Variants in SSBP2 observed in about 807,000 individuals in gnomAD.
SSBP2 encodes single-stranded DNA-binding protein 2.
Under a neutral mutation model 61.8 loss-of-function variants are expected in SSBP2, and 17 were observed. The observed-to-expected ratio is 0.28, with a 90% CI of 0.19 to 0.41. SSBP2 has a LOEUF of 0.41. SSBP2 is among the 10% of genes least tolerant of loss of function. The probability of loss-of-function intolerance (pLI) is 1.00; values close to 1 mark genes in which losing one functional copy is unlikely to be tolerated. For missense variants in SSBP2, 310 were observed against 458.7 expected (o/e 0.68, Z 2.96); for synonymous variants, 139 against 141.3 (o/e 0.98, Z 0.12).
intron 4 of SSBP2, among the ~76,000 whole-genome samples, chr5:81,550,143 T>C (rs2154128496): frequency 6.6e-6 from 1 of 152,370 alleles, no homozygotes; most frequent in Non-Finnish European, 1.5e-5. Flanking sequence ...TTAACCTATG[T>C]TGCTGTACAC....
At chr5:81,749,959 C>T (rs1757613167) in intron 1 of SSBP2, among the ~76,000 whole-genome samples, 1 of 152,158 alleles carries the variant, frequency 6.6e-6, no homozygotes, top group South Asian at 2.1e-4. Context: ...ACTGGCCCTC[C>T]CCGCCACAGC....
intron 1 of SSBP2, among the ~76,000 whole-genome samples, chr5:81,718,822 C>A (rs1041519546): frequency 3.3e-5 from 5 of 152,178 alleles, no homozygotes; most frequent in Admixed American, 1.3e-4. Flanking sequence ...TATTTAGCTA[C>A]AAGTAATGCC....
intron 4 of SSBP2, among the ~76,000 whole-genome samples, chr5:81,531,433 TAA>T (rs1770401572): frequency 6.6e-6 from 1 of 152,006 alleles, no homozygotes; most frequent in South Asian, 2.1e-4. Context: ...CTAAAGGAAT[TAA>T]TATAGAGTGG....
chr5:81,492,751 C>T (rs1766955863), intron 5 of SSBP2, among the ~76,000 whole-genome samples: 1 of 152,028 alleles, frequency 6.6e-6, no homozygotes, highest in Non-Finnish European at 1.5e-5. Context: ...GTTTCTGTAC[C>T]TCTATTAATT....
intron 1 of SSBP2, among the ~76,000 whole-genome samples, chr5:81,684,317 T>C (rs2153819969): frequency 6.6e-6 from 1 of 152,278 alleles, no homozygotes; most frequent in South Asian, 2.1e-4. Context: ...CTTAAACACA[T>C]ATTACTAAGT....
chr5:81,585,518 A>T (rs958115026), intron 4 of SSBP2, among the ~76,000 whole-genome samples: 1 of 151,922 alleles, frequency 6.6e-6, no homozygotes, highest in African/African-American at 2.4e-5. Context: ...CAAAGGTATT[A>T]AAAAAAATCT....
intron 1 of SSBP2, among the ~76,000 whole-genome samples, chr5:81,659,845 C>T (rs1750537377): frequency 6.6e-6 from 1 of 151,876 alleles, no homozygotes; most frequent in Non-Finnish European, 1.5e-5. Flanking sequence ...ATATATAGAC[C>T]AATGGAAAAG....
At chr5:81,567,533 C>G (rs979068514) in intron 4 of SSBP2, among the ~76,000 whole-genome samples, 7 of 152,210 alleles carry the variant, frequency 4.6e-5, no homozygotes, top group African/African-American at 1.7e-4. Flanking sequence ...TGCTAGGGCA[C>G]AGCAGAAGGG....
chr5:81,697,702 C>G (rs1282860421), intron 1 of SSBP2, among the ~76,000 whole-genome samples: 2 of 152,094 alleles, frequency 1.3e-5, no homozygotes, highest in African/African-American at 2.4e-5. Flanking sequence ...GCTTTCAGCT[C>G]TGCTATCTAA....
intron 10 of SSBP2, among the ~76,000 whole-genome samples, chr5:81,458,888 A>G (rs1292491728): frequency 6.6e-6 from 1 of 152,132 alleles, no homozygotes; most frequent in African/African-American, 2.4e-5. Flanking sequence ...TCAGAGGCCT[A>G]CTTTTCCTTT....
intron 4 of SSBP2, among the ~76,000 whole-genome samples, chr5:81,612,077 G>A (rs1282255831): frequency 6.6e-6 from 1 of 152,154 alleles, no homozygotes; most frequent in Non-Finnish European, 1.5e-5. Flanking sequence ...GGCATTGGTT[G>A]TGATGATGGT....
chr5:81,721,646 C>A (rs1686506753), intron 1 of SSBP2, among the ~76,000 whole-genome samples: 1 of 151,958 alleles, frequency 6.6e-6, no homozygotes, highest in Non-Finnish European at 1.5e-5. Context: ...GCCATGAAGC[C>A]TTTTCAAAAA....
intron 4 of SSBP2, among the ~76,000 whole-genome samples, chr5:81,578,655 A>T (rs1403799982): frequency 2.0e-5 from 3 of 152,042 alleles, no homozygotes; most frequent in African/African-American, 4.8e-5. Flanking sequence ...AGATTAACAG[A>T]AGTAAATTAT....
chr5:81,666,744 T>C (rs1450518511), intron 1 of SSBP2, among the ~76,000 whole-genome samples: 1 of 152,208 alleles, frequency 6.6e-6, no homozygotes, highest in Non-Finnish European at 1.5e-5. Context: ...TCAATCCAAT[T>C]TGAAGATCAT....
chr5:81,587,293 T>A (rs1252108096), intron 4 of SSBP2, among the ~76,000 whole-genome samples: 2 of 152,204 alleles, frequency 1.3e-5, no homozygotes, highest in Non-Finnish European at 2.9e-5. Flanking sequence ...TGAGTGTACA[T>A]TAAATTTTCT....
chr5:81,501,281 A>T (rs1486010564), intron 5 of SSBP2, among the ~76,000 whole-genome samples: 1 of 120,604 alleles, frequency 8.3e-6, no homozygotes, highest in African/African-American at 3.0e-5. Context: ...ACACACACAC[A>T]CATGCACATA....
chr5:81,606,915 G>C (rs1207363794), intron 4 of SSBP2, among the ~76,000 whole-genome samples: 2 of 152,158 alleles, frequency 1.3e-5, no homozygotes, highest in Non-Finnish European at 2.9e-5. Context: ...TGTTTCACAA[G>C]GATATTCCAG....
intron 4 of SSBP2, among the ~76,000 whole-genome samples, chr5:81,612,266 TGTC>T (rs1472692964): frequency 6.6e-6 from 1 of 152,186 alleles, no homozygotes; most frequent in Non-Finnish European, 1.5e-5. Context: ...AAACAACAGA[TGTC>T]TTTCATAAGA....
intron 1 of SSBP2, among the ~76,000 whole-genome samples, chr5:81,732,120 A>G (rs1451876548): frequency 1.3e-5 from 2 of 152,170 alleles, no homozygotes; most frequent in Non-Finnish European, 2.9e-5. Flanking sequence ...AACATAATCA[A>G]AACCATAATT....
Sources: gnomAD v4.1 joint callset for allele counts (sites outside exome capture counted in the v4.1 genomes callset) on GRCh38, gnomAD v4.1.1 for gene constraint, MANE v1.5 for transcripts, NCBI Gene and HGNC (gene_info 2026-07-23, HGNC 2026-07-21) for gene names.